C12orf42: variants seen among roughly 807,000 people sequenced by gnomAD.
C12orf42 encodes uncharacterized protein C12orf42.
A neutral mutation model predicts 21.6 loss-of-function variants in C12orf42; 25 were observed. The ratio of observed to expected loss-of-function variants is 1.16; its 90% confidence interval spans 0.84 to 1.62. The LOEUF is 1.62. Among genes scored for constraint, C12orf42 ranks in the 40% most tolerant of loss-of-function variants. The pLI, the probability that C12orf42 is intolerant of heterozygous loss-of-function variation, is 0.00. For synonymous variants in C12orf42, 174 were observed against 175.0 expected (o/e 0.99, Z 0.05); for missense variants, 483 against 459.3 (o/e 1.05, Z -0.47).
rs149232188 is a variant in C12orf42 at position 103,462,256 on chromosome 12, C to A, written c.78+16093G>T. 4.2e-3 allele frequency among the ~76,000 whole-genome samples: 641 copies of A among 150,986 alleles called. 5 individuals are homozygous for A. The highest frequency in any genetic ancestry group is 0.015 in the African/African-American group (605 of 41,150). On this transcript the variant is annotated intron_variant, in intron 2 of 5. Coordinates refer to ENST00000548883, the MANE Select transcript of C12orf42 (RefSeq NM_198521.5). The stretch of plus-strand genomic sequence containing the variant: ...CTGAGTAGCTGGGATTACAGGCATG[C>A]GCCACCACATCCGGCTAATTTTTTT...
the C12orf42 span, among the ~76,000 whole-genome samples, chr12:103,556,165 T>A: frequency 1.1e-3 from 160 of 152,336 alleles, no homozygotes; most frequent in African/African-American, 3.8e-3. Flanking sequence ...GTTCAAAGCC[T>A]GACTGTCACA....
intron 3 of C12orf42, among the ~76,000 whole-genome samples, chr12:103,383,208 T>C (rs774348125): frequency 6.6e-6 from 1 of 151,878 alleles, no homozygotes; most frequent in Non-Finnish European, 1.5e-5. Context: ...TCATTGCAAT[T>C]CTCTTGCCTC....
chr12:103,447,791 T>C (rs1041597139), intron 2 of C12orf42, among the ~76,000 whole-genome samples: 9 of 151,884 alleles, frequency 5.9e-5, no homozygotes, highest in African/African-American at 1.7e-4. Context: ...GAAAAAATCA[T>C]AGATGACACC....
chr12:103,528,245 G>A, the C12orf42 span, among the ~76,000 whole-genome samples: 24 of 152,274 alleles, frequency 1.6e-4, no homozygotes, highest in African/African-American at 5.1e-4. Flanking sequence ...TGAAGACATA[G>A]ATATAAGAAA....
the C12orf42 span, among the ~76,000 whole-genome samples, chr12:103,128,141 C>T: frequency 1.3e-5 from 2 of 152,120 alleles, no homozygotes; most frequent in East Asian, 3.8e-4. Context: ...TCAGGAACCA[C>T]CAACAATTTG....
the C12orf42 span, among the ~76,000 whole-genome samples, chr12:103,124,789 CAA>C: frequency 2.0e-5 from 3 of 152,094 alleles, no homozygotes; most frequent in Admixed American, 6.6e-5. Context: ...TCAGAACTCT[CAA>C]AGACTATTTT....
the C12orf42 span, among the ~76,000 whole-genome samples, chr12:103,126,032 G>A: frequency 6.6e-6 from 1 of 152,210 alleles, no homozygotes; most frequent in South Asian, 2.1e-4. Flanking sequence ...AGGGCAGTGA[G>A]TGCAATTGGA....
chr12:103,067,581 G>A, the C12orf42 span, among the ~76,000 whole-genome samples: 527 of 152,220 alleles, frequency 3.5e-3, 6 homozygotes, highest in African/African-American at 0.012. Context: ...AGGAATGAAG[G>A]GGTAGAAGTG....
chr12:103,406,047 T>C (rs1047731225), intron 2 of C12orf42, among the ~76,000 whole-genome samples: 2 of 152,192 alleles, frequency 1.3e-5, no homozygotes, highest in African/African-American at 4.8e-5. Flanking sequence ...CAGTGTACTA[T>C]TTCATTCTCC....
At chr12:103,403,293 G>A (rs1566248767) in intron 2 of C12orf42, among the ~76,000 whole-genome samples, 2 of 151,548 alleles carry the variant, frequency 1.3e-5, no homozygotes, top group Admixed American at 6.6e-5. Context: ...GGGGAATGGC[G>A]TGAACCTGGG....
the C12orf42 span, among the ~76,000 whole-genome samples, chr12:103,225,429 T>C: frequency 7.3e-3 from 1,105 of 152,052 alleles, 3 homozygotes; most frequent in Non-Finnish European, 0.012. Flanking sequence ...GATATTGGCG[T>C]TGAGTAGGGT....
At chr12:103,052,251 T>A in the C12orf42 span, among the ~76,000 whole-genome samples, 1 of 152,154 alleles carries the variant, frequency 6.6e-6, no homozygotes, top group African/African-American at 2.4e-5. Flanking sequence ...ATAACCAGGT[T>A]TATAGATGCT....
chr12:103,424,887 A>T lies in C12orf42; in HGVS notation c.79-23212T>A, dbSNP rs953503881. ...CTAAAGCCAGGGAGCCAAGTGGTCT[A>T]GCTCAGCAGATCCCACCCCCATGGA... On this transcript the variant is annotated intron_variant, in intron 2 of 5. Transcript: ENST00000548883. Among the ~76,000 whole-genome samples the T allele has an allele frequency of 3.3e-5, 5 of 152,218 alleles. No homozygotes were observed. The East Asian group carries it at 7.7e-4, about 23-fold the overall frequency.
the C12orf42 span, among the ~76,000 whole-genome samples, chr12:103,527,742 T>G: frequency 6.6e-6 from 1 of 152,198 alleles, no homozygotes. Flanking sequence ...CACCCATGGC[T>G]AGGATTTCAC....
At chr12:103,382,284 G>T (rs1281697320) in intron 3 of C12orf42, among the ~76,000 whole-genome samples, 1 of 152,054 alleles carries the variant, frequency 6.6e-6, no homozygotes, top group Non-Finnish European at 1.5e-5. Flanking sequence ...ATCTACTTCC[G>T]ATTGCTTTTA....
At chr12:103,212,247 G>C in the C12orf42 span, among the ~76,000 whole-genome samples, 1 of 151,984 alleles carries the variant, frequency 6.6e-6, no homozygotes, top group African/African-American at 2.4e-5. Flanking sequence ...GGTCAATGTT[G>C]ATATTTGATT....
At chr12:103,292,245 G>A (rs2036871115) in intron 4 of C12orf42, among the ~76,000 whole-genome samples, 1 of 152,076 alleles carries the variant, frequency 6.6e-6, no homozygotes. Flanking sequence ...GTAGAATAGT[G>A]GTTGCTTGGG....
the C12orf42 span, among the ~76,000 whole-genome samples, chr12:103,078,286 T>C: frequency 6.6e-6 from 1 of 152,206 alleles, no homozygotes; most frequent in African/African-American, 2.4e-5. Flanking sequence ...CTTAAATAAT[T>C]TAAGAATTTA....
intron 2 of C12orf42, among the ~76,000 whole-genome samples, chr12:103,447,434 C>T (rs1003328069): frequency 6.6e-6 from 1 of 151,854 alleles, no homozygotes; most frequent in Non-Finnish European, 1.5e-5. Flanking sequence ...ACTAGAAGTC[C>T]TAGCCAGAGA....
Sources: allele counts gnomAD v4.1 joint callset (sites outside exome capture counted in the v4.1 genomes callset), GRCh38; gene constraint gnomAD v4.1.1; transcripts MANE v1.5; gene names NCBI Gene and HGNC (gene_info 2026-07-23, HGNC 2026-07-21).